RANBP17: variants seen among roughly 807,000 people sequenced by gnomAD.
The protein encoded by RANBP17 is ran-binding protein 17.
A neutral mutation model predicts 141.2 loss-of-function variants in RANBP17; 158 were observed. That is an observed-to-expected ratio of 1.12 (90% CI 0.98 to 1.28). RANBP17 has a LOEUF of 1.28. Among genes scored for constraint, RANBP17 ranks in the 50% most tolerant of loss-of-function variants. The pLI, the probability that RANBP17 is intolerant of heterozygous loss-of-function variation, is 0.00. For missense variants in RANBP17, 1,438 were observed against 1,290.7 expected, an observed-to-expected ratio of 1.11 and a Z score of -1.75; for synonymous variants, 430 against 450.0, an observed-to-expected ratio of 0.96 and a Z score of 0.56.
intron 18 of RANBP17, among the ~76,000 whole-genome samples, chr5:171,183,634 C>T (rs1284584225): frequency 6.6e-6 from 1 of 152,194 alleles, no homozygotes; most frequent in African/African-American, 2.4e-5. Flanking sequence ...TGGCATTTTT[C>T]ACTTCACATA....
intron 18 of RANBP17, among the ~76,000 whole-genome samples, chr5:171,196,404 C>T (rs184119407): frequency 5.8e-4 from 89 of 152,250 alleles, no homozygotes; most frequent in African/African-American, 1.2e-3. Flanking sequence ...TTTTATCTGT[C>T]GCTCAGAATA....
intron 1 of RANBP17, among the ~76,000 whole-genome samples, chr5:170,866,225 T>C (rs1767245913): frequency 6.6e-6 from 1 of 151,246 alleles, no homozygotes; most frequent in Admixed American, 6.6e-5. Flanking sequence ...TGATATACAT[T>C]ACCTTTCAGA....
At chr5:171,223,764 T>C (rs10079914) in intron 22 of RANBP17, among the ~76,000 whole-genome samples, 128,662 of 152,222 alleles carry the variant, frequency 0.85, 54,469 homozygotes, top group East Asian at 1. Context: ...AATTCCATTC[T>C]ATGTTTTATC....
chr5:171,095,010 C>T (rs943945010), intron 14 of RANBP17, among the ~76,000 whole-genome samples: 1 of 152,094 alleles, frequency 6.6e-6, no homozygotes, highest in African/African-American at 2.4e-5. Flanking sequence ...TCTGTGTTTG[C>T]TTGCTATTCC....
Position 170,868,303 on chromosome 5 carries a change from C to G in RANBP17, c.18+6252C>G, listed in dbSNP as rs1339700702. 6.6e-5 allele frequency among the ~76,000 whole-genome samples: 10 copies of G among 152,126 alleles called. No homozygotes were observed. In the East Asian group the frequency reaches 1.9e-3, roughly 29 times the overall value. On this transcript the variant is annotated intron_variant, in intron 1 of 27. Coordinates refer to ENST00000523189, the MANE Select transcript of RANBP17 (RefSeq NM_022897.5). ...TTGCTCTGTCACCCAGGCTGGAGTG[C>G]AGTGGTGGGATCTTGGCTAGCTGCA...
At chr5:171,136,518 G>A (rs1757296950) in intron 14 of RANBP17, among the ~76,000 whole-genome samples, 1 of 151,938 alleles carries the variant, frequency 6.6e-6, no homozygotes, top group African/African-American at 2.4e-5. Flanking sequence ...TTATAAAGAG[G>A]TCATCTTTCA....
chr5:171,064,138 G>A (rs1409282018), intron 14 of RANBP17, among the ~76,000 whole-genome samples: 7 of 152,254 alleles, frequency 4.6e-5, no homozygotes, highest in African/African-American at 1.4e-4. Flanking sequence ...GCCTCGCCCT[G>A]CTTCGGCTCA....
chr5:171,061,273 T>A (rs1399467019), intron 14 of RANBP17, among the ~76,000 whole-genome samples: 3 of 151,520 alleles, frequency 2.0e-5, no homozygotes, highest in African/African-American at 7.3e-5. Context: ...ATTTTGGATC[T>A]TTCCTGCTTT....
chr5:170,868,417 T>TTTGTTG (rs371693546), intron 1 of RANBP17, among the ~76,000 whole-genome samples: 44 of 151,624 alleles, frequency 2.9e-4, no homozygotes, highest in African/African-American at 5.6e-4. Context: ...CCTGGCTGAT[T>TTTGTTG]TTGTTGTTGT....
At chr5:171,269,309 A>G (rs541222438) in intron 25 of RANBP17, among the ~76,000 whole-genome samples, 2 of 152,330 alleles carry the variant, frequency 1.3e-5, no homozygotes, top group Admixed American at 1.3e-4. Context: ...ATGAGGCAGT[A>G]AAATTGATAA....
intron 19 of RANBP17, among the ~76,000 whole-genome samples, chr5:171,202,165 TCTTA>T (rs1181413640): frequency 1.3e-5 from 2 of 152,246 alleles, no homozygotes; most frequent in South Asian, 2.1e-4. Context: ...AGCTTTATTT[TCTTA>T]CTTATTCTTA....
chr5:170,894,822 G>A (rs996197073), intron 4 of RANBP17, among the ~76,000 whole-genome samples: 12 of 152,074 alleles, frequency 7.9e-5, no homozygotes, highest in African/African-American at 2.7e-4. Context: ...AGGAGCTTAT[G>A]TAAGACTGTA....
At chr5:170,894,110 GA>G (rs1769896415) in intron 4 of RANBP17, among the ~76,000 whole-genome samples, 1 of 152,136 alleles carries the variant, frequency 6.6e-6, no homozygotes, top group Non-Finnish European at 1.5e-5. Flanking sequence ...TAGCTCTGAG[GA>G]GATCAGTTTA....
chr5:171,089,484 C>T (rs1242715879), intron 14 of RANBP17, among the ~76,000 whole-genome samples: 1 of 152,070 alleles, frequency 6.6e-6, no homozygotes, highest in Non-Finnish European at 1.5e-5. Context: ...TGGTGGGCTC[C>T]ACCCAGCTCG....
intron 24 of RANBP17, among the ~76,000 whole-genome samples, chr5:171,248,002 C>T (rs1375837171): frequency 6.6e-6 from 1 of 152,116 alleles, no homozygotes; most frequent in Non-Finnish European, 1.5e-5. Flanking sequence ...AAAAGAAGAA[C>T]CAAAATTATG....
chr5:171,184,699 C>A (rs1042878489), intron 18 of RANBP17, among the ~76,000 whole-genome samples: 1 of 152,034 alleles, frequency 6.6e-6, no homozygotes, highest in African/African-American at 2.4e-5. Context: ...TACATATGTA[C>A]CTCAAATATA....
intron 24 of RANBP17, chr5:171,251,818 A>G: frequency 1.6e-6 from 2 of 1,248,284 alleles, no homozygotes; most frequent in South Asian, 2.4e-5. Flanking sequence ...CCGGATGTAA[A>G]TCCTAATGAC....
At chr5:170,865,125 GA>G (rs1561836733) in intron 1 of RANBP17, among the ~76,000 whole-genome samples, 2 of 152,020 alleles carry the variant, frequency 1.3e-5, no homozygotes, top group Non-Finnish European at 2.9e-5. Flanking sequence ...TGCAGTGGTG[GA>G]ATCTCGGCTA....
chr5:170,978,362 T>C (rs1777535554), intron 14 of RANBP17, among the ~76,000 whole-genome samples: 2 of 152,110 alleles, frequency 1.3e-5, no homozygotes, highest in Admixed American at 1.3e-4. Context: ...CCAGAAGAAA[T>C]GAATTTATAT....
Sources: gnomAD v4.1 joint callset for allele counts (sites outside exome capture counted in the v4.1 genomes callset) on GRCh38, gnomAD v4.1.1 for gene constraint, MANE v1.5 for transcripts, NCBI Gene and HGNC (gene_info 2026-07-23, HGNC 2026-07-21) for gene names.